HDLBP: variants seen among roughly 807,000 people sequenced by gnomAD.
HDLBP encodes vigilin.
Under a neutral mutation model 137.3 loss-of-function variants are expected in HDLBP, and 30 were observed. The ratio of observed to expected loss-of-function variants is 0.22; its 90% CI spans 0.16 to 0.30. HDLBP has a LOEUF of 0.30. HDLBP is among the 10% of genes least tolerant of loss of function. The pLI is 1.00. For synonymous variants in HDLBP, 606 were observed against 596.0 expected (o/e 1.02, Z -0.24); for missense variants, 1,119 against 1,667.3 (o/e 0.67, Z 5.73).
rs990569933 is a variant in HDLBP at position 241,229,526 on chromosome 2, G to A, written c.*75C>T. ...CAATTTACGGAGGGTCCAGCCGCTG[G>A]GTCAGATTGAGACAAACCATTGTGT... is the stretch of plus-strand genomic sequence containing the variant. On this transcript the variant is annotated 3_prime_UTR_variant, in exon 28 of 28. Coordinates refer to ENST00000310931, the MANE Select transcript of HDLBP (RefSeq NM_005336.6). 3.0e-5 allele frequency: 33 copies of A among 1,093,064 alleles called. No individual in the cohort carries two copies. The highest frequency in any genetic ancestry group is 3.9e-5 in the Non-Finnish European group (28 of 726,290). The allele number at this position is 1,093,064 out of a possible 1,614,324, so 67.7% of individuals were successfully genotyped here.
Position 241,228,037 on chromosome 2 carries a change from C to T in HDLBP, c.*1564G>A, listed in dbSNP as rs1451378393. ...ACTTGCCGAGGCAGCTGCAACTAGA[C>T]TTGGGCTAAGCCGTCTGGGTCTACT... On this transcript the variant is annotated 3_prime_UTR_variant, in exon 28 of 28. Transcript: ENST00000310931. 4 of 152,248 alleles carry T rather than the reference C, an allele frequency of 2.6e-5. No homozygotes were observed. The highest frequency in any genetic ancestry group is 9.6e-5 in the African/African-American group (4 of 41,452). 9.4% of individuals were successfully genotyped at this position (152,248 alleles called of 1,614,324 possible).
intron 1 of HDLBP, among the ~76,000 whole-genome samples, chr2:241,270,598 C>T (rs2073972456): frequency 6.6e-6 from 1 of 152,208 alleles, no homozygotes; most frequent in Non-Finnish European, 1.5e-5. Context: ...CAGTCTCATT[C>T]TCCTTCTGTG....
At position 241,272,687 on chromosome 2, in the gene HDLBP, C is replaced by T. The variant is rs1260738222; in HGVS notation, c.-102-4146G>A. ...CCTCCACGTCAGCAGCCACCCCCCACCCCCCCGCCCGGCAGCCCGCCCGCC... is the reference window on the plus strand; with the variant it reads ...CCTCCACGTCAGCAGCCACCCCCCATCCCCCCGCCCGGCAGCCCGCCCGCC... On this transcript the variant is annotated intron_variant, in intron 1 of 27. Coordinates refer to ENST00000310931, the MANE Select transcript of HDLBP (RefSeq NM_005336.6). The surrounding 1 kb of genome is among the most constrained non-coding windows in gnomAD (Gnocchi z 5.6). 4.3e-5 allele frequency: 32 copies of T among 737,766 alleles called. No homozygotes were observed. The African/African-American group carries it at 5.6e-4, about 13-fold the overall frequency. The allele number at this position is 737,766 out of a possible 1,614,324, so 45.7% of individuals were successfully genotyped here. A position where few individuals can be genotyped will look rare whatever the true frequency, so the allele number is the denominator to read the frequency against.
rs990209123 is a variant in HDLBP, at chr2:241,239,151, ACT to A, written c.2611-366_2611-365del. On this transcript the variant is annotated intron_variant, in intron 19 of 27. Transcript: ENST00000310931. The surrounding 1 kb of genome is among the most constrained non-coding windows in gnomAD (Gnocchi z 4.6). ...GGCAGGGGAGTGGCCTGGAGGGGAC[ACT>A]CTCTAAAGACTGCTTCTAAAGACCA... Among the ~76,000 whole-genome samples, 19 of 151,908 alleles carry A rather than the reference ACT, an allele frequency of 1.3e-4. No individual in the cohort carries two copies. The highest frequency in any genetic ancestry group is 4.1e-4 in the African/African-American group (17 of 41,342).
chr2:241,272,558 TG>T lies in HDLBP; in HGVS notation c.-102-4018del, dbSNP rs539028982. The T allele has an allele frequency of 2.9e-4, 288 of 984,026 alleles. 4 individuals carry two copies. The South Asian group carries it at 0.012, about 40-fold the overall frequency. 61.0% of individuals were successfully genotyped at this position (984,026 alleles called of 1,614,324 possible). A position where few individuals can be genotyped will look rare whatever the true frequency, so the allele number is the denominator to read the frequency against. ...AGAGACTCGGAGCCGGCCCCAGGTC[TG>T]GCCCGGAACCGCCACGCGCGGTAAG... On this transcript the variant is annotated intron_variant, in intron 1 of 27. Transcript: ENST00000310931. The surrounding 1 kb of genome is among the most constrained non-coding windows in gnomAD (Gnocchi z 5.6).
intron 1 of HDLBP, among the ~76,000 whole-genome samples, chr2:241,279,038 T>TA (rs869254556): frequency 2.4e-5 from 3 of 125,414 alleles, no homozygotes; most frequent in Non-Finnish European, 3.4e-5. Context: ...TCCACCCCTC[T>TA]AAAAAAATTT....
At chr2:241,305,286 G>A (rs2075533635) in intron 1 of HDLBP, among the ~76,000 whole-genome samples, 1 of 152,136 alleles carries the variant, frequency 6.6e-6, no homozygotes, top group Non-Finnish European at 1.5e-5. Flanking sequence ...ACTACACCCG[G>A]CTAATTCTGT....
intron 1 of HDLBP, among the ~76,000 whole-genome samples, chr2:241,296,496 C>A (rs2075186978): frequency 1.3e-5 from 2 of 152,114 alleles, no homozygotes; most frequent in Admixed American, 1.3e-4. Flanking sequence ...ATTTATTTGA[C>A]CCTATCAGAG....
At chr2:241,270,930 T>C in intron 1 of HDLBP, 1 of 962,396 alleles carries the variant, frequency 1.0e-6, no homozygotes, top group Non-Finnish European at 1.2e-6. Context: ...CAAATCAGGA[T>C]TGAAAGGAAC....
Position 241,245,989 on chromosome 2 carries a change from C to T in HDLBP, c.1950+763G>A, listed in dbSNP as rs141395035. Among the ~76,000 whole-genome samples the T allele has an allele frequency of 3.2e-3, 480 of 150,820 alleles. 1 individual carries two copies. The highest frequency in any genetic ancestry group is 5.5e-3 in the Non-Finnish European group (373 of 67,494). On this transcript the variant is annotated intron_variant, in intron 16 of 27. Coordinates refer to ENST00000310931, the MANE Select transcript of HDLBP (RefSeq NM_005336.6). ...AAACTTCATGTTAATACATTTGACA[C>T]CTTGGAGAAAATAGAAAACCCCTTG...
At chr2:241,285,330 G>A (rs1229394481) in intron 1 of HDLBP, among the ~76,000 whole-genome samples, 2 of 152,238 alleles carry the variant, frequency 1.3e-5, no homozygotes, top group Non-Finnish European at 2.9e-5. Flanking sequence ...CAGTGTCTCT[G>A]CAGTGTGCCT....
chr2:241,293,545 G>C (rs1247941239), intron 1 of HDLBP, among the ~76,000 whole-genome samples: 1 of 151,540 alleles, frequency 6.6e-6, no homozygotes, highest in African/African-American at 2.4e-5. Flanking sequence ...CCAGGAGGTT[G>C]AGCCTGCAGT....
rs887404145 is a variant in HDLBP at position 241,273,550 on chromosome 2, T to C, written c.-102-5009A>G. The C allele has an allele frequency of 2.7e-5, 26 of 957,726 alleles. 1 individual carries two copies. In the South Asian group the frequency reaches 1.0e-3, roughly 37 times the overall value. 59.3% of individuals were successfully genotyped at this position (957,726 alleles called of 1,614,324 possible). On this transcript the variant is annotated intron_variant, in intron 1 of 27. Coordinates refer to ENST00000310931, the MANE Select transcript of HDLBP (RefSeq NM_005336.6). ...ACTTGTCACTTCTGCATCCATTGTGTTTACTAAGTGATAACTGCCACTGTT... is the reference window on the plus strand; with the variant it reads ...ACTTGTCACTTCTGCATCCATTGTGCTTACTAAGTGATAACTGCCACTGTT...
chr2:241,260,265 C>T (rs2073046292), intron 5 of HDLBP, among the ~76,000 whole-genome samples: 1 of 152,182 alleles, frequency 6.6e-6, no homozygotes, highest in Non-Finnish European at 1.5e-5. Context: ...CTCAGCCTCC[C>T]AAAGTGCTAG....
chr2:241,273,486 C>CATT, intron 1 of HDLBP: 2 of 633,348 alleles, frequency 3.2e-6, no homozygotes, highest in Non-Finnish European at 3.9e-6. Flanking sequence ...CTGGGCGGAA[C>CATT]GGAATCCCTA....
chr2:241,275,409 C>T (rs987150244), intron 1 of HDLBP, among the ~76,000 whole-genome samples: 5 of 151,646 alleles, frequency 3.3e-5, no homozygotes, highest in Non-Finnish European at 4.4e-5. Context: ...AGAGATGGAA[C>T]GAATGAAAGA....
At chr2:241,263,118 C>T (rs754251812) in intron 4 of HDLBP, among the ~76,000 whole-genome samples, 192 bp from the exon 5 acceptor site, 10 of 152,204 alleles carry the variant, frequency 6.6e-5, no homozygotes, top group Non-Finnish European at 1.3e-4. Context: ...GGCTGACATC[C>T]TAAGGAGAGA....
intron 1 of HDLBP, among the ~76,000 whole-genome samples, chr2:241,286,465 C>T (rs2074812902): frequency 6.6e-6 from 1 of 152,232 alleles, no homozygotes; most frequent in South Asian, 2.1e-4. Flanking sequence ...AACCATTTGT[C>T]TCTTACCTGC....
chr2:241,278,303 GC>G (rs2074471583), intron 1 of HDLBP, among the ~76,000 whole-genome samples: 1 of 152,214 alleles, frequency 6.6e-6, no homozygotes, highest in South Asian at 2.1e-4. Context: ...ATTCAAATAG[GC>G]TGGGCACGGT....
Sources: allele counts gnomAD v4.1 joint callset (sites outside exome capture counted in the v4.1 genomes callset), GRCh38; gene constraint gnomAD v4.1.1; non-coding constraint Gnocchi (gnomAD v3.1); transcripts MANE v1.5; gene names NCBI Gene and HGNC (gene_info 2026-07-23, HGNC 2026-07-21).